Variants in P2RX6 observed in about 807,000 individuals in gnomAD.
The protein encoded by P2RX6 is P2X purinoceptor 6.
In P2RX6, 62 loss-of-function variants were observed where a neutral mutation model predicts 54.2. That is an observed-to-expected ratio of 1.14 (90% confidence interval 0.93 to 1.41). The LOEUF is 1.41. Among genes scored for constraint, P2RX6 ranks in the 40% most tolerant of loss-of-function variants. P2RX6 has a pLI of 0.00. For missense variants in P2RX6, 541 were observed against 566.3 expected (o/e 0.96, Z 0.45); for synonymous variants, 211 against 231.9 (o/e 0.91, Z 0.82).
chr22:21,014,219 G>A (rs1057432956), upstream of P2RX6: 13 of 153,680 alleles, frequency 8.5e-5, no homozygotes, highest in African/African-American at 3.1e-4. Context: ...ACCGCTCATC[G>A]TTACGCCCCT....
At position 21,026,629 on chromosome 22, in the gene P2RX6, T is replaced by C. The variant is rs1928516575; in HGVS notation, c.*12T>C. 1 of 1,568,530 alleles carries C rather than the reference T, an allele frequency of 6.4e-7. No individual in the cohort carries two copies. Among genetic ancestry groups the C allele is most frequent in the African/African-American group, 1.4e-5 (1 of 73,778 alleles). On this transcript the variant is annotated 3_prime_UTR_variant, in exon 12 of 12. Transcript: ENST00000413302. This position sits in a 1 kb window ranked among gnomAD's most constrained non-coding sequence, Gnocchi z 4.0. ...CCGGGAGCCTGTAGCCGTTCCCTGC[T>C]GGTTGAGAGTTGGGGGCTGGGAAGG...
At chr22:21,021,157 T>G (rs2541941) in intron 3 of P2RX6, among the ~76,000 whole-genome samples, 1 of 151,422 alleles carries the variant, frequency 6.6e-6, no homozygotes, top group Non-Finnish European at 1.5e-5. Context: ...TTTTTTTTCC[T>G]GTAGCAATGA....
chr22:21,015,567 G>C (rs1926195949), intron 1 of P2RX6, among the ~76,000 whole-genome samples: 1 of 152,072 alleles, frequency 6.6e-6, no homozygotes, highest in Admixed American at 6.5e-5. Context: ...CCCCCACCCA[G>C]GCCCCACCCA....
At position 21,015,954 on chromosome 22, in the gene P2RX6, C is replaced by T. The variant is rs9620735; in HGVS notation, c.177C>T (p.Leu59=). 1.9e-5 allele frequency: 29 copies of T among 1,549,592 alleles called. No individual in the cohort carries two copies. The highest frequency in any genetic ancestry group is 4.9e-5 in the East Asian group (2 of 40,934). Residue 59 remains leucine (L), a synonymous_variant, in exon 2 of 12, where the codon CTC becomes CTT. Transcript: ENST00000413302. ...IVVYVVGWAL[L]AKKGYQERDL... ...TTCTCCTCCCCAGGTGGGCTCTCCT[C>T]GCCAAAAAAGGCTACCAGGAGCGGG...
At chr22:21,011,687 G>A (rs1925745693), upstream of P2RX6, 1 of 657,024 alleles carries the variant, frequency 1.5e-6, no homozygotes, top group East Asian at 2.7e-5. Flanking sequence ...CAGGTCTGAG[G>A]CAGAGGAAAA....
chr22:21,024,497 C>T (rs537494956), intron 8 of P2RX6, among the ~76,000 whole-genome samples: 13 of 152,064 alleles, frequency 8.5e-5, no homozygotes, highest in Admixed American at 4.6e-4. Flanking sequence ...AGGATGGTCT[C>T]GATCTCTTGA....
At chr22:21,016,588 CAAAAA>C (rs3046027) in intron 2 of P2RX6, among the ~76,000 whole-genome samples, 1 of 103,382 alleles carries the variant, frequency 9.7e-6, no homozygotes. Context: ...GACTCTGTCT[CAAAAA>C]AAAAAAAAAA....
chr22:21,023,573 G>A lies in P2RX6; in HGVS notation c.845G>A (p.Trp282Ter). The A allele has an allele frequency of 2.5e-6, 4 of 1,613,288 alleles. No individual in the cohort carries two copies. Among genetic ancestry groups the A allele is most frequent in the Non-Finnish European group, 3.4e-6 (4 of 1,179,640 alleles). Reference protein sequence around the residue: ...CDLDTGDSGCWPHYSFQLQEK... With the variant: ...CDLDTGDSGC ...CTGGACACCGGGGACTCTGGCTGCT[G>A]GCCTCACTACTCCTTCCAGCTGCAG... Residue 282 changes from tryptophan (W) to a stop codon, truncating the protein, a stop_gained, in exon 8 of 12, where the codon TGG (tryptophan) becomes TAG (stop). Coordinates refer to ENST00000413302, the MANE Select transcript of P2RX6 (RefSeq NM_005446.5). LOFTEE classifies it high-confidence loss of function.
At position 21,027,663 on chromosome 22, in the gene P2RX6, C is replaced by T. The variant is rs1430840037; in HGVS notation, c.*1046C>T. On this transcript the variant is annotated 3_prime_UTR_variant, in exon 12 of 12. Transcript: ENST00000413302. ...TTCTCCTCTTGGTCCCAGGGCGGGG[C>T]AGGGAATTCTAAGTGTCCACCCCAG... 6.6e-6 allele frequency: 1 copy of T among 152,138 alleles called. No homozygotes were observed. The highest frequency in any genetic ancestry group is 1.5e-5 in the Non-Finnish European group (1 of 68,166). The allele number at this position is 152,138 out of a possible 1,614,324, so 9.4% of individuals were successfully genotyped here. A position where few individuals can be genotyped will look rare whatever the true frequency, so the allele number is the denominator to read the frequency against.
In P2RX6 at chr22:21,015,183, G is replaced by A. The variant is rs769484801; in HGVS notation, c.9G>A (p.Pro3=). MC[P]QLAGAGSMGS... ...AGCTGCCATGCTGACTCATGTGCCC[G>A]CAGCTAGCAGGAGCTGGCAGCATGG... is the stretch of plus-strand genomic sequence containing the variant. Residue 3 remains proline, a synonymous_variant, in exon 1 of 12, where the codon CCG becomes CCA. Coordinates refer to ENST00000413302, the MANE Select transcript of P2RX6 (RefSeq NM_005446.5). The A allele has an allele frequency of 1.1e-5, 16 of 1,504,886 alleles. No individual in the cohort carries two copies. In the Admixed American group the frequency reaches 2.7e-4, roughly 25 times the overall value. The allele number at this position is 1,504,886 out of a possible 1,614,324, so 93.2% of individuals were successfully genotyped here.
rs770583628 is a variant in P2RX6 at position 21,022,752 on chromosome 22, G to C, written c.463+1G>C. 1 of 1,563,216 alleles carries C rather than the reference G, an allele frequency of 6.4e-7. No individual in the cohort carries two copies. Among genetic ancestry groups the C allele is most frequent in the East Asian group, 2.2e-5 (1 of 44,530 alleles). Reference sequence around the variant, plus strand: ...GGGGAGGGAGGCACACACAGCCACGGTAACTGTGGGCTCTGTCTTCCAGTG... The same window carrying C: ...GGGGAGGGAGGCACACACAGCCACGCTAACTGTGGGCTCTGTCTTCCAGTG... On this transcript the variant is annotated splice_donor_variant, in intron 4 of 11. Coordinates refer to ENST00000413302, the MANE Select transcript of P2RX6 (RefSeq NM_005446.5). LOFTEE classifies it high-confidence loss of function.
chr22:21,013,384 G>A (rs575159006), upstream of P2RX6, among the ~76,000 whole-genome samples: 4 of 152,326 alleles, frequency 2.6e-5, no homozygotes, highest in South Asian at 2.1e-4. Flanking sequence ...AAGTCATACA[G>A]CTGTCAAAAG....
intron 3 of P2RX6, among the ~76,000 whole-genome samples, chr22:21,020,710 GC>G (rs1387623182): frequency 6.6e-6 from 1 of 150,882 alleles, no homozygotes; most frequent in Non-Finnish European, 1.5e-5. Flanking sequence ...TCCTGCCTCA[GC>G]CTCCCAAGTA....
At position 21,026,711 on chromosome 22, in the gene P2RX6, A is replaced by G. The variant is rs1928528749; in HGVS notation, c.*94A>G. The G allele has an allele frequency of 6.7e-7, 1 of 1,486,740 alleles. No individual in the cohort carries two copies. The highest frequency in any genetic ancestry group is 9.0e-7 in the Non-Finnish European group (1 of 1,113,368). The allele number at this position is 1,486,740 out of a possible 1,614,324, so 92.1% of individuals were successfully genotyped here. A position where few individuals can be genotyped will look rare whatever the true frequency, so the allele number is the denominator to read the frequency against. On this transcript the variant is annotated 3_prime_UTR_variant, in exon 12 of 12. Transcript: ENST00000413302. This position sits in a 1 kb window ranked among gnomAD's most constrained non-coding sequence, Gnocchi z 4.0. ...GGCCCCAGCATGGAGGATTGGGGGTAGAATTCCACCCTTGAACCCCAGCAG... is the reference window on the plus strand; with the variant it reads ...GGCCCCAGCATGGAGGATTGGGGGTGGAATTCCACCCTTGAACCCCAGCAG...
chr22:21,025,726 T>G, intron 8 of P2RX6, 79 bp from the exon 9 acceptor site: 1 of 1,019,916 alleles, frequency 9.8e-7, no homozygotes, highest in South Asian at 1.4e-5. Flanking sequence ...AATTGACAAG[T>G]TGGACAGAGG....
At chr22:21,019,184 C>T (rs551728267) in intron 3 of P2RX6, among the ~76,000 whole-genome samples, 7 of 152,326 alleles carry the variant, frequency 4.6e-5, no homozygotes, top group East Asian at 1.9e-4. Flanking sequence ...CCAACATTTA[C>T]GTGCCTCCTG....
chr22:21,024,772 T>C (rs917169835), intron 8 of P2RX6, among the ~76,000 whole-genome samples: 1 of 151,382 alleles, frequency 6.6e-6, no homozygotes, highest in African/African-American at 2.4e-5. Flanking sequence ...TGTTTTGCCA[T>C]GTTGGCCAGG....
chr22:21,015,896 A>G lies in P2RX6; in HGVS notation c.165-46A>G, dbSNP rs1341188086. 5.2e-6 allele frequency: 8 copies of G among 1,538,868 alleles called. No homozygotes were observed. The Admixed American group carries it at 1.6e-4, about 31-fold the overall frequency. ...TGTAGGGCTCAGCTCCGCCCCTGTC[A>G]CTACACGCTGGGGACACACCACACT... On this transcript the variant is annotated intron_variant, in intron 1 of 11. Transcript: ENST00000413302.
At chr22:21,018,266 T>C (rs1926777776) in intron 3 of P2RX6, 1 of 566,430 alleles carries the variant, frequency 1.8e-6, no homozygotes, top group South Asian at 1.9e-5. Context: ...GTGATCCCCA[T>C]TTCAGAGGAG....
Sources: gnomAD v4.1 joint callset for allele counts (sites outside exome capture counted in the v4.1 genomes callset) on GRCh38, gnomAD v4.1.1 for gene constraint, Gnocchi (gnomAD v3.1) non-coding constraint, MANE v1.5 for transcripts, NCBI Gene and HGNC (gene_info 2026-07-23, HGNC 2026-07-21) for gene names.